The following TENM2 variants were observed in gnomAD, a reference collection of about 807,000 sequenced individuals.
TENM2 encodes teneurin-2.
A neutral mutation model predicts 245.2 loss-of-function variants in TENM2; 52 were observed. That is an observed-to-expected ratio of 0.21 (90% CI 0.17 to 0.27). The LOEUF (loss-of-function observed/expected upper bound fraction) is 0.27. TENM2 is among the 10% of genes least tolerant of loss of function. The pLI is 1.00. For missense variants in TENM2, 3,046 were observed against 3,666.8 expected (o/e 0.83, Z 4.37); for synonymous variants, 1,363 against 1,438.9 (o/e 0.95, Z 1.19).
chr5:168,007,591 C>G (rs1159184560), intron 5 of TENM2, among the ~76,000 whole-genome samples: 1 of 152,196 alleles, frequency 6.6e-6, no homozygotes, highest in Non-Finnish European at 1.5e-5. Context: ...TAGAAGGGCA[C>G]TCAACATGAG....
the TENM2 span, among the ~76,000 whole-genome samples, chr5:166,991,237 T>C: frequency 6.6e-6 from 1 of 151,742 alleles, no homozygotes; most frequent in Non-Finnish European, 1.5e-5. Context: ...TGTGAGTTTG[T>C]ATCTCAAAGT....
At chr5:168,010,063 T>A (rs188617743) in intron 5 of TENM2, among the ~76,000 whole-genome samples, 123 of 152,372 alleles carry the variant, frequency 8.1e-4, no homozygotes, top group Non-Finnish European at 1.6e-4. Context: ...CCATGAGAGA[T>A]AAGTTACTGG....
At chr5:167,010,605 T>G in the TENM2 span, among the ~76,000 whole-genome samples, 2 of 152,210 alleles carry the variant, frequency 1.3e-5, no homozygotes, top group Non-Finnish European at 2.9e-5. Flanking sequence ...GAGTTAGCTA[T>G]TCTGCCACGT....
intron 5 of TENM2, among the ~76,000 whole-genome samples, chr5:167,998,669 G>A (rs1482422159): frequency 6.7e-6 from 1 of 150,348 alleles, no homozygotes; most frequent in Non-Finnish European, 1.5e-5. Flanking sequence ...TCAGATCTCT[G>A]CCAAACTAAA....
At chr5:167,531,685 A>G (rs368538189) in intron 2 of TENM2, among the ~76,000 whole-genome samples, 2 of 150,556 alleles carry the variant, frequency 1.3e-5, no homozygotes, top group Admixed American at 1.4e-4. Context: ...TCTAAGTTCA[A>G]TGTTTTCAGA....
At chr5:167,379,775 G>T (rs1013055528) in intron 2 of TENM2, among the ~76,000 whole-genome samples, 2 of 152,070 alleles carry the variant, frequency 1.3e-5, no homozygotes, top group African/African-American at 4.8e-5. Context: ...AATAGTGAAA[G>T]AGGTAGCTAC....
At chr5:167,972,090 G>A (rs1332810093) in intron 4 of TENM2, among the ~76,000 whole-genome samples, 1 of 152,192 alleles carries the variant, frequency 6.6e-6, no homozygotes, top group African/African-American at 2.4e-5. Flanking sequence ...AAGAATTAGA[G>A]CACATATTGC....
intron 2 of TENM2, among the ~76,000 whole-genome samples, chr5:167,457,521 A>G (rs1329275174): frequency 6.6e-6 from 1 of 151,640 alleles, no homozygotes; most frequent in East Asian, 1.9e-4. Context: ...GTAATTTTGT[A>G]TTTTTAGTAG....
intron 27 of TENM2, among the ~76,000 whole-genome samples, chr5:168,253,972 T>G (rs72835088): frequency 0.044 from 6,693 of 152,312 alleles, 175 homozygotes; most frequent in Middle Eastern, 0.061. Context: ...TTTCTCCCTG[T>G]TGGGTCTTTG....
chr5:167,951,240 G>T (rs1209411941), intron 3 of TENM2, among the ~76,000 whole-genome samples: 2 of 152,168 alleles, frequency 1.3e-5, no homozygotes, highest in East Asian at 3.9e-4. Flanking sequence ...TTGTTTAAAT[G>T]ACTTGAGCCA....
chr5:168,248,657 G>T (rs933955884), intron 27 of TENM2, among the ~76,000 whole-genome samples: 1 of 152,206 alleles, frequency 6.6e-6, no homozygotes, highest in Non-Finnish European at 1.5e-5. Flanking sequence ...AGTAAGAAGC[G>T]GGGAGAGAAT....
chr5:167,171,416 C>T, the TENM2 span, among the ~76,000 whole-genome samples: 7 of 152,110 alleles, frequency 4.6e-5, no homozygotes, highest in African/African-American at 1.7e-4. Flanking sequence ...TTTTATCAGG[C>T]AGGGGCCCAA....
chr5:167,499,462 G>A (rs900430288), intron 2 of TENM2, among the ~76,000 whole-genome samples: 1 of 152,148 alleles, frequency 6.6e-6, no homozygotes, highest in African/African-American at 2.4e-5. Flanking sequence ...GCTTTTTCTA[G>A]AAGTTGCTCC....
At chr5:167,661,377 G>A (rs1396526863) in intron 2 of TENM2, among the ~76,000 whole-genome samples, 2 of 152,110 alleles carry the variant, frequency 1.3e-5, no homozygotes, top group Non-Finnish European at 2.9e-5. Context: ...TGAGTGAGTT[G>A]GGTTAAGAAA....
chr5:167,445,363 A>AGAGAGAGAGAGAGG lies in TENM2; in HGVS notation c.502+69897_502+69898insAGAGAGGGAGAGAG, dbSNP rs1561961822. Among the ~76,000 whole-genome samples, 102 of 139,714 alleles carry AGAGAGAGAGAGAGG rather than the reference A, an allele frequency of 7.3e-4. 1 individual carries two copies. Among genetic ancestry groups the AGAGAGAGAGAGAGG allele is most frequent in the African/African-American group, 2.6e-3 (98 of 37,678 alleles). The allele number at this position is 139,714 out of a possible 152,430, so 91.7% of individuals were successfully genotyped here. ...GAGAGAGAGAGAGAGAGAGAGAGAG[A>AGAGAGAGAGAGAGG]GAGAGAGTGTCAGGTGTTGTCTTGT... On this transcript the variant is annotated intron_variant, in intron 2 of 28. Transcript: ENST00000518659.
chr5:167,964,023 T>C (rs1025977880), intron 4 of TENM2, among the ~76,000 whole-genome samples: 3 of 152,220 alleles, frequency 2.0e-5, no homozygotes, highest in African/African-American at 7.2e-5. Flanking sequence ...GCAAGCAGTC[T>C]GTACTGTCTT....
chr5:168,195,985 A>G (rs150719666), intron 15 of TENM2, among the ~76,000 whole-genome samples: 2 of 152,142 alleles, frequency 1.3e-5, no homozygotes, highest in African/African-American at 4.8e-5. Context: ...AAAGAAATCT[A>G]TGGGAGGGAG....
intron 1 of TENM2, among the ~76,000 whole-genome samples, chr5:167,368,592 T>C (rs2127291793): frequency 6.6e-6 from 1 of 152,286 alleles, no homozygotes; most frequent in Admixed American, 6.5e-5. Flanking sequence ...AAACCCTGGA[T>C]CGTATTTAAA....
chr5:167,175,029 G>A, the TENM2 span, among the ~76,000 whole-genome samples: 2 of 151,938 alleles, frequency 1.3e-5, no homozygotes, highest in African/African-American at 4.8e-5. Flanking sequence ...GAACATTTAT[G>A]TATATTCACA....
Sources: gnomAD v4.1 joint callset for allele counts (sites outside exome capture counted in the v4.1 genomes callset) on GRCh38, gnomAD v4.1.1 for gene constraint, MANE v1.5 for transcripts, NCBI Gene and HGNC (gene_info 2026-07-23, HGNC 2026-07-21) for gene names.